The following MX2 variants were observed in gnomAD, a reference collection of about 807,000 sequenced individuals.
MX2 encodes the protein MX dynamin like GTPase 2.
A neutral mutation model predicts 74.0 loss-of-function variants in MX2; 51 were observed. That is an observed-to-expected ratio of 0.69 (90% confidence interval 0.55 to 0.87). MX2 has a LOEUF of 0.87. MX2 is among the 40% of genes least tolerant of loss of function. MX2 has a pLI of 0.00. For synonymous variants in MX2, 369 were observed against 339.3 expected (o/e 1.09, Z -0.96); for missense variants, 832 against 908.7 (o/e 0.92, Z 1.09).
intron 5 of MX2, among the ~76,000 whole-genome samples, chr21:41,385,166 T>C (rs1449879488): frequency 6.6e-6 from 1 of 152,244 alleles, no homozygotes; most frequent in Non-Finnish European, 1.5e-5. Context: ...AGCTAACGGG[T>C]TGGCACAAGC....
At chr21:41,395,914 T>G in intron 7 of MX2, 129 bp downstream of exon 7, 1 of 853,582 alleles carries the variant, frequency 1.2e-6, no homozygotes, top group Non-Finnish European at 1.8e-6. Flanking sequence ...CCTCACCTGA[T>G]TTTTGTGCTA....
intron 8 of MX2, among the ~76,000 whole-genome samples, chr21:41,398,155 C>G (rs1318096964): frequency 6.6e-6 from 1 of 152,008 alleles, no homozygotes; most frequent in Admixed American, 6.6e-5. Flanking sequence ...ACTAAAAATA[C>G]AAAATTAGCT....
rs201754499 is a variant in MX2, at chr21:41,390,696, G to T, written c.864G>T (p.Arg288Ser). 6.2e-7 allele frequency: 1 copy of T among 1,614,062 alleles called. No individual in the cohort carries two copies. The highest frequency in any genetic ancestry group is 2.2e-5 in the East Asian group (1 of 44,882). Residue 288 changes from arginine (R) to serine (S), a missense_variant, in exon 6 of 14, where the codon AGG becomes AGT. By Grantham distance (110) the Arg-to-Ser change is moderately radical. Transcript: ENST00000330714. ...MAHEVDPEGDRTIGILTKPDL... is the reference protein window; with the variant it reads ...MAHEVDPEGDSTIGILTKPDL... ...ATGAGGTGGACCCGGAAGGGGACAG[G>T]ACCATCGGTAAGAGGAAAGAACCAA...
chr21:41,362,514 C>G (rs2089221047), intron 1 of MX2, among the ~76,000 whole-genome samples: 1 of 151,942 alleles, frequency 6.6e-6, no homozygotes, highest in African/African-American at 2.4e-5. Context: ...GAAATTGGCT[C>G]TCATGGGGCG....
At position 41,395,816 on chromosome 21, in the gene MX2, G is replaced by C. The variant is rs774263786; in HGVS notation, c.1070+31G>C. ...ACTCTTCAGGAAAGCTCTGGAATTA[G>C]ACTCCATGAAAGCCAGCCCATCTGC... On this transcript the variant is annotated intron_variant, in intron 7 of 13. Transcript: ENST00000330714. The C allele has an allele frequency of 9.3e-6, 15 of 1,610,038 alleles. No homozygotes were observed. In the East Asian group the frequency reaches 2.5e-4, roughly 26 times the overall value.
intron 9 of MX2, 45 bp downstream of exon 9, chr21:41,399,064 G>C (rs777117334): frequency 6.3e-7 from 1 of 1,599,526 alleles, no homozygotes; most frequent in Non-Finnish European, 8.5e-7. Context: ...ATCCTTCCCT[G>C]GTGGCCCTGC....
intron 10 of MX2, among the ~76,000 whole-genome samples, chr21:41,400,221 G>T (rs2089793342): frequency 6.6e-6 from 1 of 152,166 alleles, no homozygotes; most frequent in Non-Finnish European, 1.5e-5. Flanking sequence ...GGGGAGGGGG[G>T]AATCCACATG....
At chr21:41,386,655 G>T (rs1202048130) in intron 5 of MX2, among the ~76,000 whole-genome samples, 1 of 152,190 alleles carries the variant, frequency 6.6e-6, no homozygotes, top group African/African-American at 2.4e-5. Context: ...CCAGGGTCCT[G>T]CCCTACCCAA....
chr21:41,377,237 A>C, intron 2 of MX2, 82 bp downstream of exon 2: 1 of 1,559,812 alleles, frequency 6.4e-7, no homozygotes, highest in Non-Finnish European at 8.7e-7. Context: ...CACCACAATA[A>C]TAGAACCAGC....
rs778279540 is a variant in MX2, at chr21:41,406,724, T to G, written c.1651-20T>G. ...AAAGAAGAAAAAGAAGTAATGTGTT[T>G]GTCTTTTTTATCTAACCAGAGCACG... On this transcript the variant is annotated intron_variant, in intron 12 of 13. Coordinates refer to ENST00000330714, the MANE Select transcript of MX2 (RefSeq NM_002463.2). The G allele has an allele frequency of 1.4e-5, 22 of 1,602,296 alleles. No individual in the cohort carries two copies. The highest frequency in any genetic ancestry group is 5.2e-5 in the Admixed American group (3 of 57,916).
At chr21:41,377,301 C>A in intron 2 of MX2, 146 bp downstream of exon 2, 1 of 1,211,748 alleles carries the variant, frequency 8.3e-7, no homozygotes, top group Non-Finnish European at 1.2e-6. Flanking sequence ...TCATGCCCAA[C>A]AAGTACCAGG....
At position 41,408,153 on chromosome 21, in the gene MX2, A is replaced by C; in HGVS notation, c.2068A>C (p.Arg690=). The stretch of plus-strand genomic sequence containing the variant: ...GCAGAGTGAGACCGCTACCAAGAGA[A>C]GAATCCTTAAGGAGAGAATTTACCG... ...QEQSETATKR[R]ILKERIYRLT... The change falls in exon 14 of 14, where the codon AGA becomes CGA. Residue 690 remains arginine, a synonymous_variant. Transcript: ENST00000330714. 2 of 1,614,232 alleles carry C rather than the reference A, an allele frequency of 1.2e-6. No individual in the cohort carries two copies. The highest frequency in any genetic ancestry group is 3.3e-4 in the Middle Eastern group (2 of 6,062).
chr21:41,369,284 A>G (rs438646), intron 1 of MX2, among the ~76,000 whole-genome samples: 106,495 of 152,030 alleles, frequency 0.7, 37,789 homozygotes, highest in East Asian at 0.82. Context: ...TCACACAACC[A>G]TGGTCTTTCC....
Position 41,377,139 on chromosome 21 carries a change from G to A in MX2, c.233G>A (p.Ser78Asn). The change falls in exon 2 of 14, where the codon AGC becomes AAC. Residue 78 changes from serine (S) to asparagine (N), a missense_variant. By Grantham distance (46) the Ser-to-Asn change is conservative. Coordinates refer to ENST00000330714, the MANE Select transcript of MX2 (RefSeq NM_002463.2). ...AATCAGCCACCACCAGGAAACAGGA[G>A]CCAACCAAGGGCAATGGTAAGCCCG... ...LNNQPPPGNR[S>N]QPRAMGPENN... The A allele has an allele frequency of 6.2e-7, 1 of 1,614,150 alleles. No individual in the cohort carries two copies. The highest frequency in any genetic ancestry group is 1.1e-5 in the South Asian group (1 of 91,086).
chr21:41,399,420 C>G, intron 10 of MX2, 83 bp downstream of exon 10: 8 of 1,442,006 alleles, frequency 5.5e-6, no homozygotes, highest in Non-Finnish European at 7.6e-6. Context: ...ATAAGTGTGC[C>G]AAGAGTGGAA....
chr21:41,383,088 G>A (rs958197101), intron 5 of MX2, among the ~76,000 whole-genome samples: 1 of 152,322 alleles, frequency 6.6e-6, no homozygotes, highest in South Asian at 2.1e-4. Context: ...GCCAGGCACG[G>A]TGGCGCATGC....
At chr21:41,403,516 C>G (rs751933651) in intron 12 of MX2, 173 bp downstream of exon 12, 7 of 751,110 alleles carry the variant, frequency 9.3e-6, no homozygotes, top group Admixed American at 1.8e-5. Flanking sequence ...GAGCACCTGC[C>G]TGCCTGGCTT....
intron 4 of MX2, among the ~76,000 whole-genome samples, chr21:41,381,498 A>G (rs937318936): frequency 2.0e-5 from 3 of 152,144 alleles, no homozygotes; most frequent in African/African-American, 7.2e-5. Flanking sequence ...ATCCTGGCTA[A>G]CATGGTGAAA....
intron 8 of MX2, 93 bp from the exon 9 acceptor site, chr21:41,398,804 G>T (rs527510202): frequency 6.6e-7 from 1 of 1,512,550 alleles, no homozygotes; most frequent in South Asian, 1.3e-5. Context: ...AGATCTTCCT[G>T]GATGCTTTAA....
Sources: allele counts gnomAD v4.1 joint callset (sites outside exome capture counted in the v4.1 genomes callset), GRCh38; gene constraint gnomAD v4.1.1; transcripts MANE v1.5; gene names NCBI Gene and HGNC (gene_info 2026-07-23, HGNC 2026-07-21).